The following PEX14 variants were observed in gnomAD, a reference collection of about 807,000 sequenced individuals.
PEX14 encodes the protein peroxisomal biogenesis factor 14.
Under a neutral mutation model 49.5 loss-of-function variants are expected in PEX14, and 15 were observed. The ratio of observed to expected loss-of-function variants is 0.30; its 90% confidence interval spans 0.20 to 0.47. PEX14 has a LOEUF of 0.47. Among genes scored for constraint, PEX14 ranks in the 20% least tolerant of loss-of-function variants. The pLI is 1.00. For synonymous variants in PEX14, 210 were observed against 212.7 expected, an observed-to-expected ratio of 0.99 and a Z score of 0.11; for missense variants, 398 against 494.8, an observed-to-expected ratio of 0.80 and a Z score of 1.86.
intron 3 of PEX14, among the ~76,000 whole-genome samples, chr1:10,574,636 C>G (rs900931567): frequency 6.6e-6 from 1 of 152,080 alleles, no homozygotes; most frequent in African/African-American, 2.4e-5. Flanking sequence ...AGATGCTACA[C>G]ACAATATATA....
In PEX14 at chr1:10,546,615, C is replaced by G. The variant is rs371688926; in HGVS notation, c.169+10318C>G. 1.2e-4 allele frequency among the ~76,000 whole-genome samples: 17 copies of G among 146,316 alleles called. No individual in the cohort carries two copies. In the East Asian group the frequency reaches 1.6e-3, roughly 14 times the overall value. On this transcript the variant is annotated intron_variant, in intron 3 of 8. Transcript: ENST00000356607. ...GGTGCGGTGGCTCACGCCTATAATC[C>G]CAGCACTTTGGGAGGCCAAGGTGGG... is the stretch of plus-strand genomic sequence containing the variant.
chr1:10,530,104 A>G (rs1170796593), intron 2 of PEX14, among the ~76,000 whole-genome samples: 2 of 152,154 alleles, frequency 1.3e-5, no homozygotes, highest in Non-Finnish European at 2.9e-5. Flanking sequence ...CTTAATGTAC[A>G]TGAAACATAC....
chr1:10,605,983 C>T (rs1055919604), intron 4 of PEX14, among the ~76,000 whole-genome samples: 10 of 152,100 alleles, frequency 6.6e-5, no homozygotes, highest in South Asian at 2.1e-4. Flanking sequence ...GGGAAGGAAC[C>T]GAAATGAAGT....
chr1:10,599,879 T>A lies in PEX14; in HGVS notation c.298+513T>A, dbSNP rs548875484. 7.2e-5 allele frequency among the ~76,000 whole-genome samples: 11 copies of A among 152,324 alleles called. No individual in the cohort carries two copies. The South Asian group carries it at 2.1e-3, about 29-fold the overall frequency. On this transcript the variant is annotated intron_variant, in intron 4 of 8. Coordinates refer to ENST00000356607, the MANE Select transcript of PEX14 (RefSeq NM_004565.3). The stretch of plus-strand genomic sequence containing the variant: ...ATGTAGTAGCGGTCTGTTAGGGAAT[T>A]TCAGGTTAAAACATGAAGTTCCTTT...
At position 10,623,236 on chromosome 1, in the gene PEX14, T is replaced by C; in HGVS notation, c.487+115T>C. On this transcript the variant is annotated intron_variant, in intron 6 of 8. Coordinates refer to ENST00000356607, the MANE Select transcript of PEX14 (RefSeq NM_004565.3). The surrounding 1 kb of genome is among the most constrained non-coding windows in gnomAD (Gnocchi z 4.4). ...CTATGTGGTGACTTCATTTATCTGCTCTGAGAATCTGTTCACATTTGCAAA... is the reference window on the plus strand; with the variant it reads ...CTATGTGGTGACTTCATTTATCTGCCCTGAGAATCTGTTCACATTTGCAAA... 1 of 727,358 alleles carries C rather than the reference T, an allele frequency of 1.4e-6. No homozygotes were observed. The highest frequency in any genetic ancestry group is 1.5e-5 in the South Asian group (1 of 67,216). The allele number at this position is 727,358 out of a possible 1,614,324, so 45.1% of individuals were successfully genotyped here. A position where few individuals can be genotyped will look rare whatever the true frequency, so the allele number is the denominator to read the frequency against.
intron 3 of PEX14, among the ~76,000 whole-genome samples, chr1:10,581,985 T>G (rs1403334591): frequency 1.5e-5 from 2 of 137,544 alleles, no homozygotes; most frequent in Non-Finnish European, 3.1e-5. Flanking sequence ...TTTTATGTAC[T>G]ATATCTTGCC....
At chr1:10,560,059 A>ATTTTTTTTTTTTTTTTTTTTTTTTTTTT (rs1475577830) in intron 3 of PEX14, among the ~76,000 whole-genome samples, 1 of 145,224 alleles carries the variant, frequency 6.9e-6, no homozygotes, top group African/African-American at 2.6e-5. Context: ...TCTTCCATCT[A>ATTTTTTTTTTTTTTTTTTTTTTTTTTTT]TTTTTTTTTT....
chr1:10,625,209 T>TG (rs1038601431), intron 7 of PEX14, among the ~76,000 whole-genome samples: 3 of 152,158 alleles, frequency 2.0e-5, no homozygotes, highest in African/African-American at 7.2e-5. Flanking sequence ...CTAGGTTCTG[T>TG]GGGTGGGTAA....
intron 2 of PEX14, among the ~76,000 whole-genome samples, chr1:10,501,648 CTCACGCCT>C (rs1443710041): frequency 6.6e-6 from 1 of 152,088 alleles, no homozygotes; most frequent in Non-Finnish European, 1.5e-5. Flanking sequence ...AGCGTGGTGG[CTCACGCCT>C]GTAATCCTTG....
chr1:10,590,216 T>C (rs571748848), intron 3 of PEX14, among the ~76,000 whole-genome samples: 3 of 152,240 alleles, frequency 2.0e-5, no homozygotes, highest in African/African-American at 7.2e-5. Flanking sequence ...AACAGAACCG[T>C]GAGCCTGCAA....
chr1:10,520,153 T>TTTTTTTTTTTTG (rs754714815), intron 2 of PEX14, among the ~76,000 whole-genome samples: 4 of 91,914 alleles, frequency 4.4e-5, no homozygotes, highest in South Asian at 3.5e-4. Context: ...TTCTTCTTTT[T>TTTTTTTTTTTTG]TTTTTTTTTG....
chr1:10,487,722 A>T (rs1404572282), intron 1 of PEX14, among the ~76,000 whole-genome samples: 2 of 151,558 alleles, frequency 1.3e-5, no homozygotes, highest in East Asian at 3.9e-4. Context: ...TGACCTTGTG[A>T]TCTGCCCACC....
intron 3 of PEX14, among the ~76,000 whole-genome samples, chr1:10,560,917 C>G (rs923489733): frequency 2.0e-5 from 3 of 151,876 alleles, no homozygotes; most frequent in African/African-American, 7.3e-5. Flanking sequence ...GGGGTTTCAC[C>G]ATATTGGCCA....
intron 3 of PEX14, among the ~76,000 whole-genome samples, chr1:10,575,990 G>C (rs1640107026): frequency 6.6e-6 from 1 of 152,130 alleles, no homozygotes; most frequent in African/African-American, 2.4e-5. Flanking sequence ...ATTTGCATCT[G>C]TTTGATTAGT....
At chr1:10,481,056 C>T (rs1641275435) in intron 1 of PEX14, among the ~76,000 whole-genome samples, 1 of 150,528 alleles carries the variant, frequency 6.6e-6, no homozygotes, top group Non-Finnish European at 1.5e-5. Context: ...CAAATTTTCA[C>T]ACTTAAAAAA....
At chr1:10,572,778 C>T (rs755198211) in intron 3 of PEX14, among the ~76,000 whole-genome samples, 19 of 152,130 alleles carry the variant, frequency 1.2e-4, no homozygotes, top group Admixed American at 6.6e-4. Context: ...CCTCGTGATC[C>T]GCTCTCCTCA....
chr1:10,475,944 AC>A, intron 1 of PEX14, among the ~76,000 whole-genome samples: 1 of 152,316 alleles, frequency 6.6e-6, no homozygotes, highest in South Asian at 2.1e-4. Flanking sequence ...AGGGTTTGTG[AC>A]ATGCCCCAAA....
At chr1:10,582,177 C>CT (rs879519117) in intron 3 of PEX14, among the ~76,000 whole-genome samples, 109 of 144,986 alleles carry the variant, frequency 7.5e-4, no homozygotes, top group Non-Finnish European at 1.1e-3. Flanking sequence ...TGATAAACAG[C>CT]TTTTTTTTTT....
At chr1:10,596,711 AC>A (rs779960917) in intron 3 of PEX14, among the ~76,000 whole-genome samples, 98 of 152,238 alleles carry the variant, frequency 6.4e-4, no homozygotes, top group Non-Finnish European at 1.0e-3. Flanking sequence ...GAGGGCAGTG[AC>A]TGGGATAATG....
Sources: allele counts gnomAD v4.1 joint callset (sites outside exome capture counted in the v4.1 genomes callset), GRCh38; gene constraint gnomAD v4.1.1; non-coding constraint Gnocchi (gnomAD v3.1); transcripts MANE v1.5; gene names NCBI Gene and HGNC (gene_info 2026-07-23, HGNC 2026-07-21).